DYM: variants seen among roughly 807,000 people sequenced by gnomAD.
DYM encodes dymeclin.
A neutral mutation model predicts 93.1 loss-of-function variants in DYM; 78 were observed. That is an observed-to-expected ratio of 0.84 (90% CI 0.70 to 1.01). The LOEUF (loss-of-function observed/expected upper bound fraction) is 1.01. Ranked by LOEUF, DYM falls within the 50% of genes least tolerant of loss-of-function variation. The pLI is 0.00. For synonymous variants in DYM, 321 were observed against 319.7 expected, an observed-to-expected ratio of 1.00 and a Z score of -0.04; for missense variants, 789 against 845.0, an observed-to-expected ratio of 0.93 and a Z score of 0.82.
intron 15 of DYM, among the ~76,000 whole-genome samples, chr18:49,158,643 G>T (rs898344246): frequency 6.6e-6 from 1 of 152,122 alleles, no homozygotes; most frequent in Non-Finnish European, 1.5e-5. Flanking sequence ...CTGTCTTCAT[G>T]AGTTCAGTTG....
At chr18:49,247,750 G>A (rs2094202162) in intron 13 of DYM, among the ~76,000 whole-genome samples, 2 of 152,164 alleles carry the variant, frequency 1.3e-5, no homozygotes, top group Non-Finnish European at 2.9e-5. Flanking sequence ...AGTCTGCCAA[G>A]ACACCCTGTT....
intron 6 of DYM, among the ~76,000 whole-genome samples, chr18:49,350,726 G>GAAAAAAAAAAAAAAAAAAAAAAAAA (rs72289769): frequency 8.3e-6 from 1 of 119,926 alleles, no homozygotes; most frequent in African/African-American, 3.0e-5. Context: ...GAAAAAAAAA[G>GAAAAAAAAAAAAAAAAAAAAAAAAA]AAAAAAAAAA....
Position 49,382,444 on chromosome 18 carries a change from T to C in DYM, c.194-2686A>G, listed in dbSNP as rs370941345. 3.3e-5 allele frequency among the ~76,000 whole-genome samples: 5 copies of C among 152,324 alleles called. No individual in the cohort carries two copies. The East Asian group carries it at 9.6e-4, about 29-fold the overall frequency. On this transcript the variant is annotated intron_variant, in intron 3 of 17. Transcript: ENST00000675505. ...CTCAATGATTTTAAACAATACTCCA[T>C]GGTAGATTCAAGATTCCAAAATATC... is the stretch of plus-strand genomic sequence containing the variant.
intron 11 of DYM, among the ~76,000 whole-genome samples, chr18:49,268,302 C>T (rs1042444041): frequency 6.6e-5 from 10 of 152,182 alleles, no homozygotes; most frequent in African/African-American, 1.7e-4. Flanking sequence ...CAAAATAAAT[C>T]GAGATCAACA....
chr18:49,241,937 C>T (rs755614744), intron 13 of DYM, among the ~76,000 whole-genome samples: 2 of 152,222 alleles, frequency 1.3e-5, no homozygotes, highest in South Asian at 2.1e-4. Flanking sequence ...TCAGTTTCTA[C>T]GATAAGTCAC....
At chr18:49,341,507 A>T (rs1284569284) in intron 6 of DYM, among the ~76,000 whole-genome samples, 3 of 151,298 alleles carry the variant, frequency 2.0e-5, no homozygotes, top group African/African-American at 7.3e-5. Flanking sequence ...AAAAAAAAAA[A>T]AAAAAAAAAA....
intron 6 of DYM, among the ~76,000 whole-genome samples, chr18:49,361,686 G>C (rs1319620076): frequency 6.6e-6 from 1 of 151,908 alleles, no homozygotes; most frequent in East Asian, 1.9e-4. Context: ...GTCAAACAAG[G>C]CTTCTCAGGG....
At chr18:49,401,619 T>TTC (rs149946731) in intron 2 of DYM, among the ~76,000 whole-genome samples, 8,635 of 149,986 alleles carry the variant, frequency 0.058, 327 homozygotes, top group Middle Eastern at 0.12. Context: ...CAATCAACCT[T>TTC]TCTCTCTCTC....
chr18:49,217,661 A>G lies in DYM; in HGVS notation c.1461-7946T>C, dbSNP rs554527623. On this transcript the variant is annotated intron_variant, in intron 13 of 17. Coordinates refer to ENST00000675505, the MANE Select transcript of DYM (RefSeq NM_001353214.3). ...TTCATATCCAGCCAAACTAAGCTTCATAAGTGAAGGAGAAATAAAATCCTT... is the reference window on the plus strand; with the variant it reads ...TTCATATCCAGCCAAACTAAGCTTCGTAAGTGAAGGAGAAATAAAATCCTT... Among the ~76,000 whole-genome samples the G allele has an allele frequency of 1.7e-3, 263 of 152,336 alleles. 2 individuals carry two copies. Among genetic ancestry groups the G allele is most frequent in the African/African-American group, 5.6e-3 (234 of 41,572 alleles).
chr18:49,248,643 C>A lies in DYM; in HGVS notation c.1460+8367G>T, dbSNP rs140898311. On this transcript the variant is annotated intron_variant, in intron 13 of 17. Transcript: ENST00000675505. ...TAAAATCGAAGTTTAAAAAAAAAAA[C>A]CAACTATAACACTTAATTTCTAGAT... 9.0e-3 allele frequency among the ~76,000 whole-genome samples: 1,355 copies of A among 149,994 alleles called. 7 individuals carry two copies. The highest frequency in any genetic ancestry group is 0.021 in the African/African-American group (845 of 41,020).
At chr18:49,337,071 A>T (rs563494217) in intron 6 of DYM, among the ~76,000 whole-genome samples, 1 of 152,340 alleles carries the variant, frequency 6.6e-6, no homozygotes, top group East Asian at 1.9e-4. Flanking sequence ...TTTCATTTTG[A>T]CTGGAAACTT....
At chr18:49,191,379 C>T (rs1486800268) in intron 14 of DYM, among the ~76,000 whole-genome samples, 2 of 151,806 alleles carry the variant, frequency 1.3e-5, no homozygotes, top group Non-Finnish European at 2.9e-5. Context: ...CCTATAAATG[C>T]TTACTTTGTG....
At chr18:49,048,183 T>TA in intron 17 of DYM, 1 of 152,252 alleles carries the variant, frequency 6.6e-6, no homozygotes, top group Non-Finnish European at 1.5e-5. Flanking sequence ...TGCTGGTCCT[T>TA]AAAAAAAGAA....
chr18:49,389,430 G>A (rs934592053), intron 3 of DYM, among the ~76,000 whole-genome samples: 5 of 152,046 alleles, frequency 3.3e-5, no homozygotes, highest in African/African-American at 1.2e-4. Flanking sequence ...TTCAAATTAT[G>A]AGCAATTACT....
At chr18:49,175,606 G>A (rs2089287095) in intron 14 of DYM, among the ~76,000 whole-genome samples, 1 of 152,146 alleles carries the variant, frequency 6.6e-6, no homozygotes, top group African/African-American at 2.4e-5. Flanking sequence ...AATAAAAGGT[G>A]GAGAACAAAA....
intron 2 of DYM, among the ~76,000 whole-genome samples, chr18:49,393,091 GGGAAGGAAGGAAGGAA>G (rs748930950): frequency 0.25 from 9,243 of 36,614 alleles, 1,724 homozygotes; most frequent in Middle Eastern, 0.34. Flanking sequence ...AAGGGAGGGA[GGGAAGGAAGGAAGGAA>G]GGAAGGAAGG....
intron 3 of DYM, among the ~76,000 whole-genome samples, chr18:49,381,025 C>G (rs537603958): frequency 2.0e-5 from 3 of 151,916 alleles, no homozygotes; most frequent in Admixed American, 6.6e-5. Context: ...GAAACAGGGT[C>G]TCGGTCTACC....
At chr18:49,432,329 C>CAAAAAAAAAAAAAAAAAAAAA (rs11429840) in intron 1 of DYM, among the ~76,000 whole-genome samples, 7 of 75,826 alleles carry the variant, frequency 9.2e-5, no homozygotes, top group Non-Finnish European at 1.9e-4. Context: ...AAGACTGTCT[C>CAAAAAAAAAAAAAAAAAAAAA]AAAAAAAAAA....
chr18:49,362,026 ATT>A (rs71165388), intron 6 of DYM, among the ~76,000 whole-genome samples: 3 of 143,814 alleles, frequency 2.1e-5, no homozygotes, highest in South Asian at 2.2e-4. Context: ...ATCCGGCCTA[ATT>A]TTTTTTTTTT....
Sources: gnomAD v4.1 joint callset for allele counts (sites outside exome capture counted in the v4.1 genomes callset) on GRCh38, gnomAD v4.1.1 for gene constraint, MANE v1.5 for transcripts, NCBI Gene and HGNC (gene_info 2026-07-23, HGNC 2026-07-21) for gene names.